Variants in CELF5 observed in about 807,000 individuals in gnomAD.
CELF5 encodes CUG-BP and ETR-3 like factor 5.
CELF5 carries 6 observed loss-of-function variants against 54.9 expected under a neutral mutation model. The ratio of observed to expected loss-of-function variants is 0.11; its 90% CI spans 0.06 to 0.22. The LOEUF (loss-of-function observed/expected upper bound fraction) is 0.22. Among genes scored for constraint, CELF5 ranks in the 10% least tolerant of loss-of-function variants. The probability of loss-of-function intolerance (pLI) is 1.00; values close to 1 mark genes in which losing one functional copy is unlikely to be tolerated. For synonymous variants in CELF5, 271 were observed against 290.9 expected (o/e 0.93, Z 0.70); for missense variants, 401 against 678.6 (o/e 0.59, Z 4.54).
intron 2 of CELF5, among the ~76,000 whole-genome samples, chr19:3,259,837 G>A (rs1367911453): frequency 6.6e-6 from 1 of 151,984 alleles, no homozygotes; most frequent in African/African-American, 2.4e-5. Flanking sequence ...ACCCTGCAGT[G>A]CCCAGGATGG....
intron 11 of CELF5, among the ~76,000 whole-genome samples, 165 bp downstream of exon 11, chr19:3,290,539 CTTTG>C (rs1249113950): frequency 3.4e-5 from 5 of 149,028 alleles, no homozygotes; most frequent in South Asian, 2.1e-4. Flanking sequence ...GATCCCAGCA[CTTTG>C]TTTGTTTTGG....
chr19:3,233,127 A>AAATG (rs1165434370), intron 1 of CELF5, among the ~76,000 whole-genome samples: 2 of 151,764 alleles, frequency 1.3e-5, no homozygotes, highest in Non-Finnish European at 2.9e-5. Flanking sequence ...ATAAATAAAT[A>AAATG]AGTTTTTAAA....
chr19:3,272,613 G>A (rs2079985407), intron 2 of CELF5, among the ~76,000 whole-genome samples: 1 of 152,188 alleles, frequency 6.6e-6, no homozygotes, highest in African/African-American at 2.4e-5. Flanking sequence ...GGCCCATTCT[G>A]TTCAGCAGGT....
chr19:3,249,639 G>A (rs1201142327), intron 1 of CELF5, among the ~76,000 whole-genome samples: 3 of 151,882 alleles, frequency 2.0e-5, no homozygotes, highest in Non-Finnish European at 2.9e-5. Flanking sequence ...GGCTGGCCCC[G>A]CCCCTCACCT....
At chr19:3,247,051 G>T (rs1321341726) in intron 1 of CELF5, among the ~76,000 whole-genome samples, 1 of 152,182 alleles carries the variant, frequency 6.6e-6, no homozygotes, top group Non-Finnish European at 1.5e-5. Context: ...GAGCTGGGGT[G>T]GTTACCCCTG....
At chr19:3,280,966 C>T (rs981374705) in intron 5 of CELF5, among the ~76,000 whole-genome samples, 1 of 152,208 alleles carries the variant, frequency 6.6e-6, no homozygotes, top group African/African-American at 2.4e-5. Context: ...CCCATCACAG[C>T]CTCCTAGGCC....
At chr19:3,287,788 A>G (rs923496639) in intron 10 of CELF5, among the ~76,000 whole-genome samples, 3 of 152,118 alleles carry the variant, frequency 2.0e-5, no homozygotes, top group African/African-American at 4.8e-5. Flanking sequence ...AAAAATCTTT[A>G]TCAGTGACAC....
chr19:3,242,678 C>T (rs368134544), intron 1 of CELF5, among the ~76,000 whole-genome samples: 2 of 151,884 alleles, frequency 1.3e-5, no homozygotes, highest in Non-Finnish European at 2.9e-5. Flanking sequence ...TAGTGGCAGG[C>T]GCCTGTAATC....
At chr19:3,277,142 A>G (rs995182081) in intron 4 of CELF5, among the ~76,000 whole-genome samples, 2 of 152,106 alleles carry the variant, frequency 1.3e-5, no homozygotes, top group Non-Finnish European at 2.9e-5. Context: ...CTAGAACTGA[A>G]TGTGTCTGAC....
intron 1 of CELF5, among the ~76,000 whole-genome samples, chr19:3,235,537 G>T: frequency 2.3e-3 from 1 of 438 alleles, no homozygotes; most frequent in Non-Finnish European, 5.2e-3. Context: ...TAGGTGGGTG[G>T]GTGGATGGGT....
chr19:3,266,479 T>C (rs2079884020), intron 2 of CELF5, among the ~76,000 whole-genome samples: 1 of 152,040 alleles, frequency 6.6e-6, no homozygotes, highest in Admixed American at 6.5e-5. Flanking sequence ...TGTTGCTGTG[T>C]GTATCAGCGT....
chr19:3,236,199 G>C (rs888961202), intron 1 of CELF5, among the ~76,000 whole-genome samples: 2 of 152,190 alleles, frequency 1.3e-5, no homozygotes, highest in Admixed American at 6.5e-5. Flanking sequence ...CAGTAAAAAG[G>C]GGGCAGAGAG....
chr19:3,284,803 G>A, intron 8 of CELF5, 99 bp from the exon 9 acceptor site: 2 of 1,013,726 alleles, frequency 2.0e-6, no homozygotes, highest in South Asian at 2.7e-5. Context: ...GAGAAGCTGG[G>A]CGGGGTGTTT....
chr19:3,286,094 C>T (rs1313809287), intron 10 of CELF5, 69 bp downstream of exon 10: 2 of 1,337,124 alleles, frequency 1.5e-6, no homozygotes, highest in Middle Eastern at 2.6e-4. Flanking sequence ...CTGCAGGCTC[C>T]GTGTCTGGCC....
intron 8 of CELF5, 89 bp from the exon 9 acceptor site, chr19:3,284,813 T>G: frequency 8.8e-7 from 1 of 1,142,064 alleles, no homozygotes; most frequent in Non-Finnish European, 1.3e-6. Context: ...GCGGGGTGTT[T>G]GTTGCTGTCC....
intron 11 of CELF5, among the ~76,000 whole-genome samples, chr19:3,292,712 G>A (rs941990428): frequency 6.6e-6 from 1 of 152,082 alleles, no homozygotes; most frequent in African/African-American, 2.4e-5. Flanking sequence ...GCTAGAGAAC[G>A]AGAGAAAGAG....
intron 2 of CELF5, among the ~76,000 whole-genome samples, chr19:3,271,234 G>GC (rs112062802): frequency 0.24 from 33,677 of 138,422 alleles, 4,638 homozygotes; most frequent in Middle Eastern, 0.31. Context: ...TCCTGCAGGT[G>GC]CCCCCCCATC....
chr19:3,252,915 A>G (rs947289902), intron 2 of CELF5, among the ~76,000 whole-genome samples: 2 of 151,954 alleles, frequency 1.3e-5, no homozygotes, highest in African/African-American at 4.8e-5. Flanking sequence ...TGCTCAGTGG[A>G]GGGCTTCACT....
chr19:3,245,469 C>T (rs1009855241), intron 1 of CELF5, among the ~76,000 whole-genome samples: 1 of 151,392 alleles, frequency 6.6e-6, no homozygotes, highest in African/African-American at 2.4e-5. Context: ...AGCTCCCAGA[C>T]CCTGGGGCTG....
Sources: allele counts gnomAD v4.1 joint callset (sites outside exome capture counted in the v4.1 genomes callset), GRCh38; gene constraint gnomAD v4.1.1; transcripts MANE v1.5; gene names NCBI Gene and HGNC (gene_info 2026-07-23, HGNC 2026-07-21).